Variants in NPR3 observed in about 807,000 individuals in gnomAD.
The protein encoded by NPR3 is natriuretic peptide receptor 3.
Under a neutral mutation model 54.5 loss-of-function variants are expected in NPR3, and 34 were observed. The observed-to-expected ratio is 0.62, with a 90% CI of 0.47 to 0.83. The LOEUF is 0.83. NPR3 is among the 40% of genes least tolerant of loss of function. NPR3 has a pLI of 0.00. For synonymous variants in NPR3, 289 were observed against 297.1 expected (o/e 0.97, Z 0.28); for missense variants, 674 against 720.8 (o/e 0.94, Z 0.74).
At chr5:32,755,028 T>C (rs1313865369) in intron 3 of NPR3, among the ~76,000 whole-genome samples, 1 of 152,090 alleles carries the variant, frequency 6.6e-6, no homozygotes, top group Non-Finnish European at 1.5e-5. Flanking sequence ...GCCCCGCTAA[T>C]TTTTTGTATT....
At chr5:32,766,299 G>A (rs1741470692) in intron 3 of NPR3, among the ~76,000 whole-genome samples, 1 of 152,168 alleles carries the variant, frequency 6.6e-6, no homozygotes, top group Non-Finnish European at 1.5e-5. Flanking sequence ...ATCAGCTCAT[G>A]TTCCACTAGT....
intron 7 of NPR3, 87 bp downstream of exon 7, chr5:32,784,970 C>T: frequency 2.7e-6 from 3 of 1,104,850 alleles, no homozygotes; most frequent in Non-Finnish European, 2.7e-6. Flanking sequence ...GATTTGTCCA[C>T]ATCCCTCTTT....
In NPR3 at chr5:32,775,283, G is replaced by T. The variant is rs538990115; in HGVS notation, c.1195+440G>T. 2.7e-4 allele frequency among the ~76,000 whole-genome samples: 38 copies of T among 142,996 alleles called. No individual in the cohort carries two copies. In the South Asian group the frequency reaches 8.7e-3, roughly 33 times the overall value. 93.8% of individuals were successfully genotyped at this position (142,996 alleles called of 152,430 possible). ...TTTGAGATGATTAGCAGGTTCAATT[G>T]AGGCCTCTGCATTTTTTTTTTTTTT... On this transcript the variant is annotated intron_variant, in intron 4 of 7. Coordinates refer to ENST00000265074, the MANE Select transcript of NPR3 (RefSeq NM_001204375.2).
intron 1 of NPR3, among the ~76,000 whole-genome samples, chr5:32,715,165 T>C (rs575184828): frequency 6.6e-6 from 1 of 152,360 alleles, no homozygotes; most frequent in South Asian, 2.1e-4. Flanking sequence ...GGCCTCCTTA[T>C]GTGAGTTTTC....
At position 32,786,729 on chromosome 5, in the gene NPR3, T is replaced by G. The variant is rs1314495231; in HGVS notation, c.*384T>G. The G allele has an allele frequency of 2.1e-5, 4 of 190,408 alleles. No individual in the cohort carries two copies. The South Asian group carries it at 4.2e-4, about 20-fold the overall frequency. 11.8% of individuals were successfully genotyped at this position (190,408 alleles called of 1,614,324 possible). ...ATGTTTTGTAGCTAGAATAAAATCA[T>G]TTTTACAAGTACAGCATTCTTGGAA... On this transcript the variant is annotated 3_prime_UTR_variant, in exon 8 of 8. Transcript: ENST00000265074.
intron 3 of NPR3, among the ~76,000 whole-genome samples, chr5:32,769,957 T>G (rs1373784278): frequency 6.6e-6 from 1 of 152,162 alleles, no homozygotes; most frequent in East Asian, 1.9e-4. Flanking sequence ...CACCAACTCT[T>G]TGTGATCAGT....
At chr5:32,770,218 G>C (rs1365669750) in intron 3 of NPR3, among the ~76,000 whole-genome samples, 1 of 152,084 alleles carries the variant, frequency 6.6e-6, no homozygotes, top group East Asian at 1.9e-4. Flanking sequence ...GGTCACTTGA[G>C]CTCTGGTTTG....
chr5:32,773,516 A>G (rs1468530257), intron 3 of NPR3, among the ~76,000 whole-genome samples: 3 of 152,100 alleles, frequency 2.0e-5, no homozygotes, highest in Admixed American at 1.3e-4. Context: ...CTCCCAGCCG[A>G]GCAAAACATT....
intron 3 of NPR3, among the ~76,000 whole-genome samples, chr5:32,750,189 C>T (rs571247924): frequency 7.9e-5 from 12 of 152,270 alleles, no homozygotes; most frequent in East Asian, 1.9e-4. Context: ...AGTGCGGTGG[C>T]GCGATCTCGG....
In NPR3 at chr5:32,788,469, A is replaced by G. The variant is rs1742746870; in HGVS notation, c.*2124A>G. The G allele has an allele frequency of 6.6e-6, 1 of 152,150 alleles. No individual in the cohort carries two copies. Among genetic ancestry groups the G allele is most frequent in the East Asian group, 1.9e-4 (1 of 5,196 alleles). The allele number at this position is 152,150 out of a possible 1,614,324, so 9.4% of individuals were successfully genotyped here. A position where few individuals can be genotyped will look rare whatever the true frequency, so the allele number is the denominator to read the frequency against. ...TCTCTCTCATTTTTATTTTTCAATG[A>G]TGTTTTCTTTATATTTTAGAGATAT... On this transcript the variant is annotated 3_prime_UTR_variant, in exon 8 of 8. Coordinates refer to ENST00000265074, the MANE Select transcript of NPR3 (RefSeq NM_001204375.2).
chr5:32,714,390 C>A (rs1738437400), intron 1 of NPR3, among the ~76,000 whole-genome samples: 1 of 152,108 alleles, frequency 6.6e-6, no homozygotes, highest in African/African-American at 2.4e-5. Flanking sequence ...GACAGCAGTG[C>A]CCTGGTGGGC....
At chr5:32,715,783 G>T (rs1015837531) in intron 1 of NPR3, among the ~76,000 whole-genome samples, 5 of 152,132 alleles carry the variant, frequency 3.3e-5, no homozygotes, top group Non-Finnish European at 4.4e-5. Context: ...AGAACTAGAA[G>T]TATCCTAACG....
chr5:32,728,239 G>C (rs535590371), intron 2 of NPR3, among the ~76,000 whole-genome samples: 3 of 152,224 alleles, frequency 2.0e-5, no homozygotes, highest in Middle Eastern at 6.8e-3. Flanking sequence ...GAGGCAGATG[G>C]ATTACCTGAG....
At chr5:32,716,364 G>A (rs1456854675) in intron 1 of NPR3, 1 of 431,506 alleles carries the variant, frequency 2.3e-6, no homozygotes, top group African/African-American at 2.5e-5. Context: ...TTAATAACAT[G>A]CTACTTTTTT....
intron 3 of NPR3, among the ~76,000 whole-genome samples, chr5:32,766,604 T>C (rs1194911772): frequency 6.6e-6 from 1 of 152,230 alleles, no homozygotes; most frequent in Non-Finnish European, 1.5e-5. Flanking sequence ...TGAGACTGGG[T>C]AAATGAAGTT....
chr5:32,728,829 G>GTATATATATATATATA (rs1456034881), intron 2 of NPR3, among the ~76,000 whole-genome samples: 1 of 76,172 alleles, frequency 1.3e-5, no homozygotes, highest in African/African-American at 5.1e-5. Context: ...GTGTGTGTGT[G>GTATATATATATATATA]TGTGTGTGTA....
intron 1 of NPR3, among the ~76,000 whole-genome samples, chr5:32,703,883 TC>T (rs1482669508): frequency 6.6e-6 from 1 of 152,146 alleles, no homozygotes; most frequent in Non-Finnish European, 1.5e-5. Flanking sequence ...AGGTCATGTG[TC>T]CCCCACATCC....
chr5:32,729,112 C>G (rs185018498), intron 2 of NPR3, among the ~76,000 whole-genome samples: 7,833 of 138,542 alleles, frequency 0.057, 281 homozygotes, highest in Non-Finnish European at 0.069. Flanking sequence ...TCACTGCAAG[C>G]TCCGCCTCCC....
At chr5:32,719,884 G>A (rs1168908097) in intron 1 of NPR3, among the ~76,000 whole-genome samples, 1 of 149,850 alleles carries the variant, frequency 6.7e-6, no homozygotes, top group Non-Finnish European at 1.5e-5. Flanking sequence ...CATTTTCAGT[G>A]TGCAGGACAT....
Sources: allele counts gnomAD v4.1 joint callset (sites outside exome capture counted in the v4.1 genomes callset), GRCh38; gene constraint gnomAD v4.1.1; transcripts MANE v1.5; gene names NCBI Gene and HGNC (gene_info 2026-07-23, HGNC 2026-07-21).